Variants in TADA2A observed in about 807,000 individuals in gnomAD.
The protein encoded by TADA2A is transcriptional adaptor 2A, also known as transcriptional adapter 2-alpha.
In TADA2A, 38 loss-of-function variants were observed where a neutral mutation model predicts 67.4. The ratio of observed to expected loss-of-function variants is 0.56; its 90% CI spans 0.44 to 0.74. The LOEUF is 0.74. TADA2A is among the 30% of genes least tolerant of loss of function. The pLI, the probability that TADA2A is intolerant of heterozygous loss-of-function variation, is 0.00. For synonymous variants in TADA2A, 192 were observed against 181.6 expected (o/e 1.06, Z -0.46); for missense variants, 454 against 547.0 (o/e 0.83, Z 1.70).
In TADA2A at chr17:37,476,880, C is replaced by T. The variant is rs995112489; in HGVS notation, c.1230C>T (p.Gly410=). 8.1e-6 allele frequency: 13 copies of T among 1,614,018 alleles called. No individual in the cohort carries two copies. Among genetic ancestry groups the T allele is most frequent in the Admixed American group, 1.7e-5 (1 of 59,992 alleles). Residue 410 remains glycine (G), a synonymous_variant, in exon 16 of 16, where the codon GGC becomes GGT. Transcript: ENST00000615182. ...ALLNECNKQG[G]LRLAQARALI... is the part of the protein sequence containing the mutation. ...TGAACGAATGTAACAAGCAAGGAGG[C>T]TTAAGACTGGCGCAGGCAAGAGCAC...
intron 13 of TADA2A, among the ~76,000 whole-genome samples, 181 bp downstream of exon 13, chr17:37,470,713 C>T (rs1318417355): frequency 6.6e-6 from 1 of 151,834 alleles, no homozygotes; most frequent in African/African-American, 2.4e-5. Flanking sequence ...AATAACTGAC[C>T]TCCTAGAATC....
intron 14 of TADA2A, 131 bp downstream of exon 14, chr17:37,471,268 C>G (rs779237503): frequency 3.5e-6 from 3 of 855,270 alleles, no homozygotes; most frequent in Non-Finnish European, 5.7e-6. Flanking sequence ...CAAGTGTTAG[C>G]CCAATATATA....
chr17:37,477,319 C>G lies in TADA2A; in HGVS notation c.*337C>G. Reference sequence around the variant, plus strand: ...TGGAACTAAACCACAGTCTGTAATCCCAGGAGTCCAGCTCAGATCCTTATA... The same window carrying G: ...TGGAACTAAACCACAGTCTGTAATCGCAGGAGTCCAGCTCAGATCCTTATA... On this transcript the variant is annotated 3_prime_UTR_variant, in exon 16 of 16. Transcript: ENST00000615182. 1 of 232,692 alleles carries G rather than the reference C, an allele frequency of 4.3e-6. No homozygotes were observed. Among genetic ancestry groups the G allele is most frequent in the East Asian group, 8.8e-5 (1 of 11,332 alleles). 14.4% of individuals were successfully genotyped at this position (232,692 alleles called of 1,614,324 possible).
chr17:37,457,213 C>A (rs1271551456), intron 8 of TADA2A, among the ~76,000 whole-genome samples: 2 of 129,958 alleles, frequency 1.5e-5, no homozygotes, highest in Non-Finnish European at 3.1e-5. Flanking sequence ...CGGAGTCTTG[C>A]AGCAATGCCC....
At chr17:37,461,948 G>T in intron 9 of TADA2A, 130 bp from the exon 10 acceptor site, 1 of 696,030 alleles carries the variant, frequency 1.4e-6, no homozygotes, top group Non-Finnish European at 2.4e-6. Flanking sequence ...ATTTGTGGGA[G>T]TGACTTCTTT....
chr17:37,427,175 T>C (rs983509329), intron 4 of TADA2A, among the ~76,000 whole-genome samples, 166 bp downstream of exon 4: 1 of 152,244 alleles, frequency 6.6e-6, no homozygotes, highest in Non-Finnish European at 1.5e-5. Context: ...TAGGTAATTG[T>C]TATCCAATAA....
In TADA2A at chr17:37,444,754, C is replaced by A; in HGVS notation, c.590C>A (p.Ser197Ter). The stretch of plus-strand genomic sequence containing the variant: ...GACATTGATTTTGTTGAAGATGACT[C>A]GGACATTTTACATGGTAACAGTTTA... ...LRDIDFVEDDSDILHALKMAV... is the reference protein window; with the variant it reads ...LRDIDFVEDD The change falls in exon 8 of 16, where the codon TCG becomes TAG. Residue 197 changes from serine to a stop codon, truncating the protein, a stop_gained. Transcript: ENST00000615182. LOFTEE classifies it high-confidence loss of function. 1 of 1,614,012 alleles carries A rather than the reference C, an allele frequency of 6.2e-7. No homozygotes were observed. Among genetic ancestry groups the A allele is most frequent in the Non-Finnish European group, 8.5e-7 (1 of 1,179,924 alleles).
At chr17:37,417,477 A>C (rs547070286) in intron 2 of TADA2A, among the ~76,000 whole-genome samples, 1 of 152,268 alleles carries the variant, frequency 6.6e-6, no homozygotes, top group African/African-American at 2.4e-5. Flanking sequence ...GAGAGTTTGC[A>C]ATCAGCCAAG....
At chr17:37,441,891 C>T (rs926405725) in intron 6 of TADA2A, among the ~76,000 whole-genome samples, 2 of 152,102 alleles carry the variant, frequency 1.3e-5, no homozygotes, top group Admixed American at 1.3e-4. Context: ...TGGTCTCGAA[C>T]TCCTGACCTT....
intron 9 of TADA2A, among the ~76,000 whole-genome samples, chr17:37,459,582 C>CT (rs80266428): frequency 0.015 from 1,970 of 133,338 alleles, 34 homozygotes; most frequent in African/African-American, 0.043. Context: ...CGTGTTCAAC[C>CT]TTTTTTTTTT....
chr17:37,437,055 C>T (rs1255564240), intron 4 of TADA2A, among the ~76,000 whole-genome samples: 1 of 151,478 alleles, frequency 6.6e-6, no homozygotes, highest in South Asian at 2.1e-4. Context: ...ACTATTACTA[C>T]AGTTGAAGTT....
intron 1 of TADA2A, among the ~76,000 whole-genome samples, chr17:37,410,085 C>G (rs1005410100): frequency 1.3e-5 from 2 of 151,716 alleles, no homozygotes; most frequent in African/African-American, 4.8e-5. Flanking sequence ...GCACAAGACA[C>G]AAGAATCAAA....
At position 37,479,031 on chromosome 17, in the gene TADA2A, G is replaced by T. The variant is rs2053940855; in HGVS notation, c.*2049G>T. 1 of 152,236 alleles carries T rather than the reference G, an allele frequency of 6.6e-6. No homozygotes were observed. 9.4% of individuals were successfully genotyped at this position (152,236 alleles called of 1,614,324 possible). The stretch of plus-strand genomic sequence containing the variant: ...TGAAAGGAAACTCCTGTTCTGAAAA[G>T]TTGGGATGCATTAGCCATCAGTGTT... On this transcript the variant is annotated 3_prime_UTR_variant, in exon 16 of 16. Transcript: ENST00000615182.
In TADA2A at chr17:37,446,957, A is replaced by T. The variant is rs2053100302; in HGVS notation, c.604+2189A>T. ...CTGATTGATCAGCAATTTATAGTTC[A>T]GTTAGCTTTTCAAACCCATAACATA... On this transcript the variant is annotated intron_variant, in intron 8 of 15. Coordinates refer to ENST00000615182, the MANE Select transcript of TADA2A (RefSeq NM_001166105.3). Among the ~76,000 whole-genome samples, 3 of 152,218 alleles carry T rather than the reference A, an allele frequency of 2.0e-5. No individual in the cohort carries two copies. In the South Asian group the frequency reaches 6.2e-4, roughly 31 times the overall value.
chr17:37,458,667 G>GTC, intron 9 of TADA2A, 80 bp downstream of exon 9: 1 of 1,158,352 alleles, frequency 8.6e-7, no homozygotes, highest in Non-Finnish European at 1.2e-6. Context: ...GTGTGTGTGT[G>GTC]TGTGTGTCTG....
In TADA2A at chr17:37,413,971, G is replaced by T. The variant is rs113019417; in HGVS notation, c.25+2581G>T. The stretch of plus-strand genomic sequence containing the variant: ...CCTCCCACTGTTCACCCTCAAGAAG[G>T]CCCTGGTTTCTGTTCCCCTCTTTGT... On this transcript the variant is annotated intron_variant, in intron 2 of 15. Coordinates refer to ENST00000615182, the MANE Select transcript of TADA2A (RefSeq NM_001166105.3). Among the ~76,000 whole-genome samples the T allele has an allele frequency of 2.7e-3, 414 of 151,992 alleles. 5 individuals are homozygous for T. The highest frequency in any genetic ancestry group is 9.5e-3 in the African/African-American group (394 of 41,472).
At chr17:37,439,268 A>G (rs2052825526) in intron 5 of TADA2A, among the ~76,000 whole-genome samples, 1 of 151,784 alleles carries the variant, frequency 6.6e-6, no homozygotes, top group South Asian at 2.1e-4. Context: ...TACTCAGCTA[A>G]TTTTTAAATT....
In TADA2A at chr17:37,410,591, A is replaced by C. The variant is rs143409006; in HGVS notation, c.-97-678A>C. Among the ~76,000 whole-genome samples the C allele has an allele frequency of 5.9e-3, 904 of 152,298 alleles. 6 individuals are homozygous for C. The highest frequency in any genetic ancestry group is 0.021 in the African/African-American group (864 of 41,560). On this transcript the variant is annotated intron_variant, in intron 1 of 15. Transcript: ENST00000615182. The stretch of plus-strand genomic sequence containing the variant: ...TTATGATTAAAGTTGAGTTTATTAA[A>C]GTTTATTAAAGAGAGAGAAATGAGA...
chr17:37,426,959 C>G lies in TADA2A; in HGVS notation c.142C>G (p.Arg48Gly), dbSNP rs759757775. The G allele has an allele frequency of 4.4e-6, 7 of 1,597,786 alleles. No individual in the cohort carries two copies. The East Asian group carries it at 1.4e-4, about 31-fold the overall frequency. Residue 48 changes from arginine (R) to glycine (G), a missense_variant, in exon 4 of 16, where the codon CGA (arginine) becomes GGA (glycine). Around this residue, in one of 2 missense-constraint regions of TADA2A, gnomAD observed 403 missense variants for 455.5 expected, o/e 0.88. Transcript: ENST00000615182. ...TTTTCTTTCTTTGCAGTGTTTCACT[C>G]GAGGCTTTGAGTACAAGAAACATCA... ...PFFLCLQCFTRGFEYKKHQSD... is the reference protein window; with the variant it reads ...PFFLCLQCFTGGFEYKKHQSD...
Sources: allele counts gnomAD v4.1 joint callset (sites outside exome capture counted in the v4.1 genomes callset), GRCh38; gene constraint gnomAD v4.1.1; regional missense constraint gnomAD v4.1.1; transcripts MANE v1.5; gene names NCBI Gene and HGNC (gene_info 2026-07-23, HGNC 2026-07-21).